The following RIN2 variants were observed in gnomAD, a reference collection of about 807,000 sequenced individuals.
RIN2 encodes the protein Ras and Rab interactor 2, also known as RAB5 interacting protein 2.
Under a neutral mutation model 78.0 loss-of-function variants are expected in RIN2, and 36 were observed. That is an observed-to-expected ratio of 0.46 (90% CI 0.35 to 0.61). The LOEUF (loss-of-function observed/expected upper bound fraction) is 0.61, where lower values mean the gene tolerates loss of function less well. Among genes scored for constraint, RIN2 ranks in the 20% least tolerant of loss-of-function variants. The pLI is 0.00. For missense variants in RIN2, 1,087 were observed against 1,159.7 expected (o/e 0.94, Z 0.91); for synonymous variants, 466 against 466.8 (o/e 1.00, Z 0.02).
chr20:19,801,606 C>G lies in RIN2; in HGVS notation c.-37+1859C>G, dbSNP rs959169420. ...AAAGTGCTGGGATTACAGGCGTGAG[C>G]CACCGCGCCCGGCATCATTATGCGA... On this transcript the variant is annotated intron_variant, in intron 2 of 12. Coordinates refer to ENST00000255006, the MANE Select transcript of RIN2 (RefSeq NM_018993.4). 2.6e-5 allele frequency among the ~76,000 whole-genome samples: 4 copies of G among 152,236 alleles called. No homozygotes were observed. The East Asian group carries it at 7.7e-4, about 29-fold the overall frequency.
intron 1 of RIN2, among the ~76,000 whole-genome samples, chr20:19,774,063 G>T (rs73901287): frequency 6.6e-6 from 1 of 152,068 alleles, no homozygotes; most frequent in Non-Finnish European, 1.5e-5. Context: ...GAGCAACTGT[G>T]TTTATGGGCT....
intron 2 of RIN2, among the ~76,000 whole-genome samples, chr20:19,811,019 G>GT (rs2035582768): frequency 1.4e-5 from 2 of 147,198 alleles, no homozygotes; most frequent in East Asian, 2.0e-4. Context: ...CCAAGGTACT[G>GT]TTTTTCAAAT....
chr20:19,908,886 T>C (rs113149966), intron 3 of RIN2, among the ~76,000 whole-genome samples: 1,583 of 152,318 alleles, frequency 0.01, 34 homozygotes, highest in African/African-American at 0.036. Context: ...ATCTTTGAGA[T>C]GGAGTTTTGC....
At position 19,844,686 on chromosome 20, in the gene RIN2, C is replaced by CTTCTTCTTCT. The variant is rs1491543395; in HGVS notation, c.-36-44879_-36-44878insTCTTCTTCTT. Among the ~76,000 whole-genome samples the CTTCTTCTTCT allele has an allele frequency of 3.8e-3, 113 of 30,092 alleles. 3 individuals are homozygous for CTTCTTCTTCT. Among genetic ancestry groups the CTTCTTCTTCT allele is most frequent in the African/African-American group, 0.017 (112 of 6,664 alleles). 19.7% of individuals were successfully genotyped at this position (30,092 alleles called of 152,430 possible). On this transcript the variant is annotated intron_variant, in intron 2 of 12. Coordinates refer to ENST00000255006, the MANE Select transcript of RIN2 (RefSeq NM_018993.4). ...TTCTTCTTCCTTCTTCTTCTTCTTC[C>CTTCTTCTTCT]TCTTCCTCTTCCTCTTCTTCTTCTT...
At chr20:19,862,381 C>T (rs559984559) in intron 2 of RIN2, among the ~76,000 whole-genome samples, 1 of 152,066 alleles carries the variant, frequency 6.6e-6, no homozygotes, top group Non-Finnish European at 1.5e-5. Flanking sequence ...TGCCTGAGCT[C>T]GAGAGTTCGA....
rs1375615755 is a variant in RIN2, at chr20:19,926,942, TG to T, written c.58-8153del. On this transcript the variant is annotated intron_variant, in intron 3 of 12. Transcript: ENST00000255006. ...ACCCTAAAAGAAAGAAAACAAGACT[TG>T]GGGTTCCTCCCTTTTCCCTCCTCCC... Among the ~76,000 whole-genome samples the T allele has an allele frequency of 2.0e-5, 3 of 152,222 alleles. No individual in the cohort carries two copies. The East Asian group carries it at 5.8e-4, about 29-fold the overall frequency.
chr20:19,920,225 G>T (rs752297027), intron 3 of RIN2, among the ~76,000 whole-genome samples: 1 of 152,056 alleles, frequency 6.6e-6, no homozygotes, highest in African/African-American at 2.4e-5. Flanking sequence ...GAACCCGGGA[G>T]GGGGAGCTTG....
intron 2 of RIN2, among the ~76,000 whole-genome samples, chr20:19,855,359 CTG>C (rs1269035179): frequency 6.6e-6 from 1 of 152,116 alleles, no homozygotes; most frequent in African/African-American, 2.4e-5. Flanking sequence ...TGTTGTGTCT[CTG>C]TCAGGCTTTG....
chr20:19,805,279 A>G (rs2035370735), intron 2 of RIN2, among the ~76,000 whole-genome samples: 1 of 152,224 alleles, frequency 6.6e-6, no homozygotes, highest in Admixed American at 6.5e-5. Context: ...TGACATGAGC[A>G]GGTTACCACT....
intron 2 of RIN2, among the ~76,000 whole-genome samples, chr20:19,857,755 G>A (rs1458298914): frequency 2.0e-5 from 3 of 152,260 alleles, no homozygotes; most frequent in African/African-American, 7.2e-5. Flanking sequence ...GGAGACTGAG[G>A]TGGGAAGATT....
intron 9 of RIN2, among the ~76,000 whole-genome samples, chr20:19,979,517 T>G (rs1429674105): frequency 6.6e-6 from 1 of 152,202 alleles, no homozygotes; most frequent in African/African-American, 2.4e-5. Context: ...AAAATGTGGT[T>G]AGACACCGGA....
intron 2 of RIN2, among the ~76,000 whole-genome samples, chr20:19,868,449 C>A (rs903350823): frequency 6.6e-6 from 1 of 152,196 alleles, no homozygotes; most frequent in African/African-American, 2.4e-5. Flanking sequence ...TATTTAGTGT[C>A]CAGCACTGTT....
intron 8 of RIN2, among the ~76,000 whole-genome samples, chr20:19,972,832 T>C (rs2042150257): frequency 6.6e-6 from 1 of 152,216 alleles, no homozygotes; most frequent in South Asian, 2.1e-4. Flanking sequence ...TCCTGGGTAA[T>C]AGAAACATAA....
chr20:19,771,033 T>G (rs538338030), intron 1 of RIN2, among the ~76,000 whole-genome samples: 1 of 152,298 alleles, frequency 6.6e-6, no homozygotes, highest in South Asian at 2.1e-4. Context: ...TTTATTGGAT[T>G]ATTGTAAAGG....
At chr20:19,828,291 T>C (rs545877869) in intron 2 of RIN2, among the ~76,000 whole-genome samples, 1 of 152,340 alleles carries the variant, frequency 6.6e-6, no homozygotes, top group East Asian at 1.9e-4. Context: ...ACAATGCCTC[T>C]CACTTCCACT....
Position 19,920,949 on chromosome 20 carries a change from A to G in RIN2, c.58-14150A>G, listed in dbSNP as rs545032834. On this transcript the variant is annotated intron_variant, in intron 3 of 12. Coordinates refer to ENST00000255006, the MANE Select transcript of RIN2 (RefSeq NM_018993.4). ...CTGCCTCCCAAACTGCTGGGATTAG[A>G]GGCGTGAGCCGCCATGCCCAGCCGA... 3.6e-3 allele frequency among the ~76,000 whole-genome samples: 544 copies of G among 152,218 alleles called. 3 individuals carry two copies. The highest frequency in any genetic ancestry group is 0.012 in the African/African-American group (481 of 41,542).
chr20:19,845,543 G>A (rs1320148149), intron 2 of RIN2, among the ~76,000 whole-genome samples: 1 of 151,064 alleles, frequency 6.6e-6, no homozygotes, highest in African/African-American at 2.4e-5. Flanking sequence ...CTTTTGAGAA[G>A]TGTCTGTTCA....
At chr20:19,776,357 G>A (rs1332749309) in intron 1 of RIN2, among the ~76,000 whole-genome samples, 1 of 152,162 alleles carries the variant, frequency 6.6e-6, no homozygotes, top group Non-Finnish European at 1.5e-5. Flanking sequence ...TTATTTGCAT[G>A]ACAAAACTTT....
chr20:19,813,819 C>A (rs1166397057), intron 2 of RIN2, among the ~76,000 whole-genome samples: 2 of 151,944 alleles, frequency 1.3e-5, no homozygotes, highest in African/African-American at 2.4e-5. Context: ...AATTTTATTA[C>A]CAAAAATACT....
Sources: gnomAD v4.1 joint callset for allele counts (sites outside exome capture counted in the v4.1 genomes callset) on GRCh38, gnomAD v4.1.1 for gene constraint, MANE v1.5 for transcripts, NCBI Gene and HGNC (gene_info 2026-07-23, HGNC 2026-07-21) for gene names.